The following HAT1 variants were observed in gnomAD, a reference collection of about 807,000 sequenced individuals.
The protein encoded by HAT1 is histone acetyltransferase 1.
HAT1 carries 20 observed loss-of-function variants against 56.6 expected under a neutral mutation model. The ratio of observed to expected loss-of-function variants is 0.35; its 90% CI spans 0.25 to 0.51. The LOEUF (loss-of-function observed/expected upper bound fraction) is 0.51, where lower values mean the gene tolerates loss of function less well. Ranked by LOEUF, HAT1 falls within the 20% of genes least tolerant of loss-of-function variation. The pLI is 0.95. For synonymous variants in HAT1, 146 were observed against 165.5 expected, an observed-to-expected ratio of 0.88 and a Z score of 0.91; for missense variants, 408 against 504.3, an observed-to-expected ratio of 0.81 and a Z score of 1.83.
chr2:171,937,010 AGTG>A (rs973846933), intron 2 of HAT1, among the ~76,000 whole-genome samples: 1 of 152,152 alleles, frequency 6.6e-6, no homozygotes. Context: ...GCTGGAGTGC[AGTG>A]GTGTGATCTC....
intron 2 of HAT1, among the ~76,000 whole-genome samples, chr2:171,930,498 C>A (rs1686714916): frequency 6.6e-6 from 1 of 152,158 alleles, no homozygotes; most frequent in South Asian, 2.1e-4. Context: ...ATTTTCTCTT[C>A]CAATTGCTTG....
chr2:171,959,681 T>G (rs893328872), intron 4 of HAT1, among the ~76,000 whole-genome samples: 12 of 152,206 alleles, frequency 7.9e-5, no homozygotes, highest in African/African-American at 2.9e-4. Context: ...CTATCTCAGT[T>G]TGCAGTGAGT....
intron 9 of HAT1, among the ~76,000 whole-genome samples, chr2:171,977,542 TATATATATATATATA>T (rs1292450519): frequency 8.5e-4 from 12 of 14,188 alleles, no homozygotes; most frequent in East Asian, 7.0e-3. Flanking sequence ...TATATATATA[TATATATATATATATA>T]TTTTTTTTTT....
intron 4 of HAT1, among the ~76,000 whole-genome samples, chr2:171,954,568 C>T (rs1434351097): frequency 6.6e-6 from 1 of 152,148 alleles, no homozygotes; most frequent in African/African-American, 2.4e-5. Flanking sequence ...TGCCTGTAAT[C>T]CCAGCTACTC....
At chr2:171,981,085 G>T (rs1252428267) in intron 10 of HAT1, among the ~76,000 whole-genome samples, 1 of 151,562 alleles carries the variant, frequency 6.6e-6, no homozygotes, top group African/African-American at 2.4e-5. Context: ...CAGGAGAATT[G>T]CTTGAACCTG....
chr2:171,977,839 T>G (rs1264428243), intron 9 of HAT1, among the ~76,000 whole-genome samples: 1 of 151,748 alleles, frequency 6.6e-6, no homozygotes, highest in African/African-American at 2.4e-5. Context: ...CCTGGCCAGA[T>G]AGTACTCATT....
intron 4 of HAT1, among the ~76,000 whole-genome samples, chr2:171,962,951 TTTA>T (rs1430911670): frequency 6.6e-6 from 1 of 152,262 alleles, no homozygotes; most frequent in African/African-American, 2.4e-5. Flanking sequence ...TTGTGCTGAT[TTTA>T]TTATCTGATC....
intron 2 of HAT1, among the ~76,000 whole-genome samples, chr2:171,945,532 C>T (rs1258233969): frequency 7.1e-6 from 1 of 140,678 alleles, no homozygotes; most frequent in Non-Finnish European, 1.5e-5. Context: ...CAGTCTTTGT[C>T]GCCCAGGCTG....
intron 8 of HAT1, among the ~76,000 whole-genome samples, chr2:171,974,065 G>A (rs1221142472): frequency 6.6e-6 from 1 of 150,850 alleles, no homozygotes; most frequent in Non-Finnish European, 1.5e-5. Context: ...CGTGGGCCCA[G>A]CTACTCAGGA....
intron 8 of HAT1, among the ~76,000 whole-genome samples, chr2:171,970,496 C>CTTTTTTTTTTT (rs61462189): frequency 9.3e-5 from 7 of 74,988 alleles, no homozygotes; most frequent in African/African-American, 2.7e-4. Context: ...AATGCAGTTT[C>CTTTTTTTTTTT]TTTTTTTTTT....
rs1325408283 is a variant in HAT1, at chr2:171,925,548, A to C, written c.19A>C (p.Met7Leu). Residue 7 changes from methionine to leucine, a missense_variant, in exon 2 of 11, where the codon ATG becomes CTG. Physicochemically the swap from Met to Leu is conservative, Grantham distance 15. Transcript: ENST00000264108. MAGFGA[M>L]EKFLVEYKSA... Reference sequence around the variant, plus strand: ...ACCTTTTCTCTTAGGATTTGGTGCTATGGAGAAATTTTTGGTAGAATATAA... The same window carrying C: ...ACCTTTTCTCTTAGGATTTGGTGCTCTGGAGAAATTTTTGGTAGAATATAA... 6.7e-7 allele frequency: 1 copy of C among 1,494,522 alleles called. No homozygotes were observed. Among genetic ancestry groups the C allele is most frequent in the South Asian group, 1.1e-5 (1 of 88,470 alleles). The allele number at this position is 1,494,522 out of a possible 1,614,324, so 92.6% of individuals were successfully genotyped here. A position where few individuals can be genotyped will look rare whatever the true frequency, so the allele number is the denominator to read the frequency against.
intron 2 of HAT1, among the ~76,000 whole-genome samples, chr2:171,935,451 G>T (rs924249118): frequency 1.4e-5 from 2 of 142,864 alleles, no homozygotes; most frequent in African/African-American, 5.3e-5. Context: ...GGAGGCCAAG[G>T]TTGCTGTGAG....
At chr2:171,955,262 A>G (rs769658124) in intron 4 of HAT1, among the ~76,000 whole-genome samples, 9 of 152,328 alleles carry the variant, frequency 5.9e-5, no homozygotes, top group Middle Eastern at 3.4e-3. Flanking sequence ...TTGAAGGTGC[A>G]TGATAGAAAA....
At position 171,946,747 on chromosome 2, in the gene HAT1, T is replaced by A; in HGVS notation, c.152T>A (p.Phe51Tyr). 1 of 1,586,116 alleles carries A rather than the reference T, an allele frequency of 6.3e-7. No homozygotes were observed. Among genetic ancestry groups the A allele is most frequent in the South Asian group, 1.1e-5 (1 of 88,096 alleles). ...PEDLENDIRT[F>Y]FPEYTHQLFG... ...GATCTTGAAAATGACATTAGAACTT[T>A]CTTTCCTGAGTATACCCATCAACTC... The change falls in exon 3 of 11, where the codon TTC (phenylalanine) becomes TAC (tyrosine). Residue 51 changes from phenylalanine (F) to tyrosine (Y), a missense_variant. Physicochemically the swap from Phe to Tyr is conservative, Grantham distance 22 (BLOSUM62 3). Transcript: ENST00000264108.
intron 2 of HAT1, among the ~76,000 whole-genome samples, chr2:171,944,903 G>A (rs904579512): frequency 2.0e-5 from 3 of 152,014 alleles, no homozygotes; most frequent in Admixed American, 6.6e-5. Flanking sequence ...ACGGAGTCTC[G>A]CTCGATCACC....
chr2:171,923,974 T>C (rs2105959203), intron 1 of HAT1: 1 of 152,300 alleles, frequency 6.6e-6, no homozygotes. Context: ...CTCGGTTCTG[T>C]AGATTAGGGT....
At chr2:171,950,391 G>A (rs1340610074) in intron 3 of HAT1, among the ~76,000 whole-genome samples, 2 of 151,762 alleles carry the variant, frequency 1.3e-5, no homozygotes, top group Non-Finnish European at 2.9e-5. Flanking sequence ...ATATTGGCCA[G>A]GCTGGTCCCG....
intron 1 of HAT1, chr2:171,924,185 C>CT (rs1461268315): frequency 1.3e-5 from 2 of 151,024 alleles, no homozygotes; most frequent in Middle Eastern, 3.5e-3. Flanking sequence ...TTGCTTATGG[C>CT]TTTTTTCTGT....
In HAT1 at chr2:171,965,497, T is replaced by G; in HGVS notation, c.469T>G (p.Phe157Val). 6.3e-7 allele frequency: 1 copy of G among 1,588,670 alleles called. No homozygotes were observed. Among genetic ancestry groups the G allele is most frequent in the Non-Finnish European group, 8.6e-7 (1 of 1,166,018 alleles). The change falls in exon 5 of 11, where the codon TTT becomes GTT. Residue 157 changes from phenylalanine (F) to valine (V), a missense_variant. Coordinates refer to ENST00000264108, the MANE Select transcript of HAT1 (RefSeq NM_003642.4). ...TCTCAGTCCAACAGGAGGAGAAAACTTTACCTTTCAGATATATAAGGTAAA... is the reference window on the plus strand; with the variant it reads ...TCTCAGTCCAACAGGAGGAGAAAACGTTACCTTTCAGATATATAAGGTAAA... ...SVLSPTGGEN[F>V]TFQIYKADMT...
Sources: gnomAD v4.1 joint callset for allele counts (sites outside exome capture counted in the v4.1 genomes callset) on GRCh38, gnomAD v4.1.1 for gene constraint, MANE v1.5 for transcripts, NCBI Gene and HGNC (gene_info 2026-07-23, HGNC 2026-07-21) for gene names.